Variants in CRB2 observed in about 807,000 individuals in gnomAD.
The protein encoded by CRB2 is crumbs cell polarity complex component 2, also known as protein crumbs homolog 2.
Under a neutral mutation model 110.9 loss-of-function variants are expected in CRB2, and 85 were observed. The observed-to-expected ratio is 0.77, with a 90% CI of 0.64 to 0.92. The LOEUF is 0.92. Ranked by LOEUF, CRB2 falls within the 40% of genes least tolerant of loss-of-function variation. The pLI is 0.00. For missense variants in CRB2, 1,843 were observed against 1,851.3 expected (o/e 1.00, Z 0.08); for synonymous variants, 907 against 831.0 (o/e 1.09, Z -1.57).
rs148202847 is a variant in CRB2 at position 123,367,379 on chromosome 9, G to A, written c.940+22G>A. ...GAGGGTGAGCCCCTGCTGGGGAAGC[G>A]GTCAGCCCATGTCCAGATGCCCAGG... On this transcript the variant is annotated intron_variant, in intron 5 of 12. Transcript: ENST00000373631. 2.2e-4 allele frequency: 344 copies of A among 1,591,310 alleles called. 6 individuals are homozygous for A. In the East Asian group the frequency reaches 4.3e-3, roughly 20 times the overall value.
intron 6 of CRB2, chr9:123,369,034 G>C: frequency 9.9e-7 from 1 of 1,015,144 alleles, no homozygotes; most frequent in Non-Finnish European, 1.2e-6. Context: ...GCTGATCGAG[G>C]CTGGGCTTCA....
Position 123,377,113 on chromosome 9 carries a change from C to T in CRB2, c.*51C>T, listed in dbSNP as rs752172045. 2.1e-6 allele frequency: 3 copies of T among 1,441,226 alleles called. No homozygotes were observed. The highest frequency in any genetic ancestry group is 1.8e-6 in the Non-Finnish European group (2 of 1,081,486). 89.3% of individuals were successfully genotyped at this position (1,441,226 alleles called of 1,614,324 possible). ...CCTGGAGGTCCTGAATGGTTTCTAC[C>T]TGGAGACCCAAGGAAGCTGCTTCCA... On this transcript the variant is annotated 3_prime_UTR_variant, in exon 13 of 13. Transcript: ENST00000373631.
chr9:123,371,025 C>A, intron 7 of CRB2, 45 bp downstream of exon 7: 5 of 1,596,880 alleles, frequency 3.1e-6, no homozygotes, highest in Non-Finnish European at 4.3e-6. Context: ...AGATCTGCCT[C>A]CCTCAGCCTG....
chr9:123,362,058 C>A (rs901993284), intron 1 of CRB2, among the ~76,000 whole-genome samples: 1 of 152,292 alleles, frequency 6.6e-6, no homozygotes. Flanking sequence ...TACCATGCGA[C>A]CTTGGCCAGG....
upstream of CRB2, chr9:123,356,134 A>AG (rs979654889): frequency 1.7e-4 from 63 of 377,006 alleles, no homozygotes; most frequent in Admixed American, 2.5e-4. Flanking sequence ...GGTGGCGGGG[A>AG]GGGGAGGGAG....
chr9:123,365,800 TC>T (rs1293104225), intron 2 of CRB2, 116 bp from the exon 3 acceptor site: 1 of 437,668 alleles, frequency 2.3e-6, no homozygotes, highest in Non-Finnish European at 3.6e-6. Context: ...ACCACCACCA[TC>T]CGGCTCTGAA....
intron 2 of CRB2, among the ~76,000 whole-genome samples, chr9:123,365,702 T>A (rs908712292): frequency 6.6e-6 from 1 of 152,218 alleles, no homozygotes; most frequent in Non-Finnish European, 1.5e-5. Flanking sequence ...TGGCCTAGAC[T>A]GCTGTGAGCC....
Position 123,372,404 on chromosome 9 carries a change from C to T in CRB2, c.2602+62C>T. On this transcript the variant is annotated intron_variant, in intron 9 of 12. Coordinates refer to ENST00000373631, the MANE Select transcript of CRB2 (RefSeq NM_173689.7). ...CTGGACACCTAAGCTGGTTAGATCC[C>T]ATCTGCACTCTCAGGGCTTGTAGGA... 3 of 1,525,056 alleles carry T rather than the reference C, an allele frequency of 2.0e-6. No homozygotes were observed. The East Asian group carries it at 6.9e-5, about 35-fold the overall frequency. 94.5% of individuals were successfully genotyped at this position (1,525,056 alleles called of 1,614,324 possible).
chr9:123,363,292 C>T (rs2041890871), intron 2 of CRB2, 104 bp downstream of exon 2: 2 of 1,238,680 alleles, frequency 1.6e-6, no homozygotes, highest in East Asian at 5.1e-5. Flanking sequence ...TGTAGGGACG[C>T]CCCCAGGCAT....
intron 1 of CRB2, among the ~76,000 whole-genome samples, chr9:123,360,522 G>A (rs952361238): frequency 6.6e-6 from 1 of 152,212 alleles, no homozygotes; most frequent in Non-Finnish European, 1.5e-5. Context: ...ACTCCTGGAA[G>A]ACAGAGACAA....
rs558971891 is a variant in CRB2 at position 123,374,765 on chromosome 9, G to A, written c.3506+70G>A. The A allele has an allele frequency of 2.4e-5, 27 of 1,135,282 alleles. No individual in the cohort carries two copies. The African/African-American group carries it at 3.5e-4, about 15-fold the overall frequency. The allele number at this position is 1,135,282 out of a possible 1,614,324, so 70.3% of individuals were successfully genotyped here. ...GGAGGGCTGTTCCTCCAGCCAGGGT[G>A]GGGCGGGGGTCCTCGCCCACCTTCT... On this transcript the variant is annotated intron_variant, in intron 11 of 12. Transcript: ENST00000373631.
intron 1 of CRB2, among the ~76,000 whole-genome samples, chr9:123,360,649 C>T (rs1043144391): frequency 6.6e-5 from 10 of 152,160 alleles, no homozygotes; most frequent in Admixed American, 2.0e-4. Flanking sequence ...GGAGTGGGTT[C>T]CAGGAATCTG....
At chr9:123,371,655 A>G in intron 8 of CRB2, 77 bp downstream of exon 8, 1 of 1,583,944 alleles carries the variant, frequency 6.3e-7, no homozygotes, top group Admixed American at 1.7e-5. Flanking sequence ...ACCGGGGCTT[A>G]GTGTGTCCTT....
intron 11 of CRB2, 106 bp from the exon 12 acceptor site, chr9:123,375,111 G>C (rs1024285254): frequency 1.3e-5 from 20 of 1,528,980 alleles, no homozygotes; most frequent in African/African-American, 2.7e-5. Context: ...GACAGTGGAT[G>C]GATAAGCTCT....
Position 123,359,441 on chromosome 9 carries a change from G to GTTTTTTTTT in CRB2, c.94+3104_94+3112dup, listed in dbSNP as rs375773781. ...GTTTGTGGTTTTTCGTTTTTGTTTT[G>GTTTTTTTTT]TTTTTTTTTTTTTTTTTTTTTTTTT... is the stretch of plus-strand genomic sequence containing the variant. On this transcript the variant is annotated intron_variant, in intron 1 of 12. Transcript: ENST00000373631. 5.3e-4 allele frequency among the ~76,000 whole-genome samples: 50 copies of GTTTTTTTTT among 94,410 alleles called. 1 individual carries two copies. The highest frequency in any genetic ancestry group is 7.0e-4 in the African/African-American group (12 of 17,168). The allele number at this position is 94,410 out of a possible 152,430, so 61.9% of individuals were successfully genotyped here.
rs748662155 is a variant in CRB2, at chr9:123,366,244, C to CGGGCACCGGCTACGA, written c.639_653dup (p.Gly214_Thr218dup). ...CTCCCCAGGTTCCGGTGCGACTGCGCGGGCACCGGCTACGAGGGCACGCAC... is the reference window on the plus strand; with the variant it reads ...CTCCCCAGGTTCCGGTGCGACTGCGCGGGCACCGGCTACGAGGGCACCGGCTACGAGGGCACGCAC... On this transcript the variant is annotated inframe_insertion, in exon 4 of 13. Coordinates refer to ENST00000373631, the MANE Select transcript of CRB2 (RefSeq NM_173689.7). The CGGGCACCGGCTACGA allele has an allele frequency of 4.1e-6, 6 of 1,478,088 alleles. No individual in the cohort carries two copies. In the South Asian group the frequency reaches 7.8e-5, roughly 19 times the overall value. The allele number at this position is 1,478,088 out of a possible 1,614,324, so 91.6% of individuals were successfully genotyped here. A position where few individuals can be genotyped will look rare whatever the true frequency, so the allele number is the denominator to read the frequency against.
Position 123,373,166 on chromosome 9 carries a change from C to T in CRB2, c.2635C>T (p.Pro879Ser). 1.3e-6 allele frequency: 2 copies of T among 1,514,542 alleles called. No individual in the cohort carries two copies. The highest frequency in any genetic ancestry group is 8.8e-7 in the Non-Finnish European group (1 of 1,137,148). 93.8% of individuals were successfully genotyped at this position (1,514,542 alleles called of 1,614,324 possible). A position where few individuals can be genotyped will look rare whatever the true frequency, so the allele number is the denominator to read the frequency against. Residue 879 changes from proline to serine, a missense_variant, in exon 10 of 13, where the codon CCC becomes TCC. By Grantham distance (74) the Pro-to-Ser change is moderately conservative. Transcript: ENST00000373631. ...GGAGGCCACGTTCCGCGAGGGTCCC[C>T]CCGCCGCGTTCAGCGGGCACAACGC... ...VAEATFREGPPAAFSGHNASS... is the reference protein window; with the variant it reads ...VAEATFREGPSAAFSGHNASS...
At chr9:123,363,695 G>T (rs2041896133) in intron 2 of CRB2, among the ~76,000 whole-genome samples, 1 of 152,162 alleles carries the variant, frequency 6.6e-6, no homozygotes. Context: ...AGACATACAA[G>T]GTCTCGTTCA....
downstream of CRB2, among the ~76,000 whole-genome samples, chr9:123,379,158 T>C (rs934586169): frequency 1.3e-5 from 2 of 151,548 alleles, no homozygotes; most frequent in Non-Finnish European, 2.9e-5. Context: ...AGTGGGGGCA[T>C]GGTCAGATGA....
Sources: allele counts gnomAD v4.1 joint callset (sites outside exome capture counted in the v4.1 genomes callset), GRCh38; gene constraint gnomAD v4.1.1; transcripts MANE v1.5; gene names NCBI Gene and HGNC (gene_info 2026-07-23, HGNC 2026-07-21).